Variants in MYO1B observed in about 807,000 individuals in gnomAD.
MYO1B encodes the protein unconventional myosin-Ib.
MYO1B carries 72 observed loss-of-function variants against 159.7 expected under a neutral mutation model. That is an observed-to-expected ratio of 0.45 (90% CI 0.37 to 0.55). The LOEUF is 0.55. Ranked by LOEUF, MYO1B falls within the 20% of genes least tolerant of loss-of-function variation. The pLI is 0.00. For synonymous variants in MYO1B, 468 were observed against 473.8 expected (o/e 0.99, Z 0.16); for missense variants, 1,062 against 1,364.8 (o/e 0.78, Z 3.50).
At chr2:191,357,769 T>G (rs1693397520) in intron 7 of MYO1B, among the ~76,000 whole-genome samples, 1 of 152,222 alleles carries the variant, frequency 6.6e-6, no homozygotes, top group Non-Finnish European at 1.5e-5. Flanking sequence ...TGTTCTCTAC[T>G]TTGAGTAATT....
In MYO1B at chr2:191,392,147, C is replaced by T. The variant is rs142551317; in HGVS notation, c.2022C>T (p.Pro674=). ...TCCTATTTAATGAATTAGAAATTCC[C>T]GTGGAAGAATACTCCTTTGGTAGAT... is the stretch of plus-strand genomic sequence containing the variant. ...VEVLFNELEI[P]VEEYSFGRSK... Residue 674 remains proline (P), a synonymous_variant, in exon 19 of 31, where the codon CCC becomes CCT. Transcript: ENST00000392318. 8 of 1,608,238 alleles carry T rather than the reference C, an allele frequency of 5.0e-6. No homozygotes were observed. The highest frequency in any genetic ancestry group is 2.7e-5 in the African/African-American group (2 of 74,698).
intron 1 of MYO1B, among the ~76,000 whole-genome samples, chr2:191,269,494 A>G (rs1287769134): frequency 1.3e-5 from 2 of 151,698 alleles, no homozygotes; most frequent in African/African-American, 4.8e-5. Context: ...GCCTTCTTTC[A>G]CTTCTTTTAG....
At chr2:191,398,841 G>A (rs1399658830) in intron 21 of MYO1B, among the ~76,000 whole-genome samples, 4 of 151,994 alleles carry the variant, frequency 2.6e-5, no homozygotes, top group Non-Finnish European at 5.9e-5. Context: ...AGGCAGAGAC[G>A]CTCCTCACTT....
At chr2:191,301,838 C>T (rs1689353072) in intron 3 of MYO1B, among the ~76,000 whole-genome samples, 1 of 152,202 alleles carries the variant, frequency 6.6e-6, no homozygotes. Flanking sequence ...GCCTTTTAAC[C>T]TTGCAGCAGT....
At chr2:191,315,193 A>ATCCACCCATCCATCTT (rs59883856) in intron 3 of MYO1B, among the ~76,000 whole-genome samples, 1 of 151,272 alleles carries the variant, frequency 6.6e-6, no homozygotes, top group African/African-American at 2.4e-5. Flanking sequence ...CCATCCATCC[A>ATCCACCCATCCATCTT]CCCATCCATC....
chr2:191,407,074 G>A (rs929273342), intron 24 of MYO1B, among the ~76,000 whole-genome samples: 7 of 152,100 alleles, frequency 4.6e-5, no homozygotes, highest in Non-Finnish European at 8.8e-5. Flanking sequence ...GGTCTCCCTG[G>A]CACTTATTTT....
At chr2:191,388,881 CT>C (rs1326640214) in intron 17 of MYO1B, among the ~76,000 whole-genome samples, 2 of 152,070 alleles carry the variant, frequency 1.3e-5, no homozygotes, top group African/African-American at 4.8e-5. Context: ...CATTCCCCTC[CT>C]TTTTTTATTT....
chr2:191,280,787 C>G (rs1299801422), intron 2 of MYO1B, among the ~76,000 whole-genome samples: 1 of 152,224 alleles, frequency 6.6e-6, no homozygotes, highest in Non-Finnish European at 1.5e-5. Flanking sequence ...GGAGCCCACT[C>G]ACTGTGAACT....
chr2:191,388,163 A>G (rs1002391481), intron 17 of MYO1B: 1 of 152,340 alleles, frequency 6.6e-6, no homozygotes, highest in Non-Finnish European at 1.5e-5. Context: ...AGGAACCTAT[A>G]ATCCCAACTA....
chr2:191,368,059 C>T (rs1694122450), intron 11 of MYO1B, among the ~76,000 whole-genome samples: 1 of 152,096 alleles, frequency 6.6e-6, no homozygotes. Context: ...ATTCTCTAAC[C>T]CTAATTGGAG....
intron 7 of MYO1B, among the ~76,000 whole-genome samples, chr2:191,354,376 GAAAT>G (rs1229892308): frequency 1.3e-5 from 2 of 151,750 alleles, no homozygotes; most frequent in African/African-American, 4.8e-5. Flanking sequence ...GTTTTGTTGA[GAAAT>G]AAAGCTTCTG....
At chr2:191,392,015 T>C in intron 18 of MYO1B, 93 bp from the exon 19 acceptor site, 1 of 765,318 alleles carries the variant, frequency 1.3e-6, no homozygotes, top group Non-Finnish European at 2.0e-6. Context: ...AATGAAGCTA[T>C]GTTTTATACC....
At chr2:191,260,000 G>C (rs917436846) in intron 1 of MYO1B, among the ~76,000 whole-genome samples, 3 of 152,072 alleles carry the variant, frequency 2.0e-5, no homozygotes, top group African/African-American at 2.4e-5. Flanking sequence ...ATAATGTTAG[G>C]ATTGCTTAGA....
chr2:191,290,601 A>G (rs1330068582), intron 2 of MYO1B, among the ~76,000 whole-genome samples: 1 of 152,246 alleles, frequency 6.6e-6, no homozygotes, highest in East Asian at 1.9e-4. Context: ...TATCTTGTAT[A>G]TGTGTGTGCA....
In MYO1B at chr2:191,361,232, A is replaced by C. The variant is rs1693652359; in HGVS notation, c.661+503A>C. ...GGGAGGGACTAATCATACATTTAAA[A>C]AATAAAATGGAAGAATATGATTTTT... is the stretch of plus-strand genomic sequence containing the variant. On this transcript the variant is annotated intron_variant, in intron 8 of 30. Transcript: ENST00000392318. Among the ~76,000 whole-genome samples, 3 of 152,228 alleles carry C rather than the reference A, an allele frequency of 2.0e-5. No homozygotes were observed. In the South Asian group the frequency reaches 6.2e-4, roughly 32 times the overall value.
At chr2:191,406,076 T>A (rs186002411) in intron 24 of MYO1B, among the ~76,000 whole-genome samples, 1 of 152,234 alleles carries the variant, frequency 6.6e-6, no homozygotes, top group Non-Finnish European at 1.5e-5. Flanking sequence ...TGGATAACTT[T>A]CTGCAGCTTC....
intron 3 of MYO1B, among the ~76,000 whole-genome samples, chr2:191,321,886 G>A (rs1018996831): frequency 2.0e-5 from 3 of 152,056 alleles, no homozygotes; most frequent in Non-Finnish European, 4.4e-5. Flanking sequence ...CATCCTCAGA[G>A]CCCTCACAGT....
At chr2:191,314,036 G>T (rs188978123) in intron 3 of MYO1B, among the ~76,000 whole-genome samples, 47 of 152,246 alleles carry the variant, frequency 3.1e-4, no homozygotes, top group African/African-American at 9.6e-4. Context: ...TTGGCTGTTT[G>T]GTAATTTAAC....
intron 13 of MYO1B, among the ~76,000 whole-genome samples, chr2:191,370,502 AGT>A (rs58911860): frequency 0.095 from 14,004 of 147,106 alleles, 1,672 homozygotes; most frequent in African/African-American, 0.28. Flanking sequence ...TGTGTGCCTG[AGT>A]GTGTGTGTGT....
Sources: gnomAD v4.1 joint callset for allele counts (sites outside exome capture counted in the v4.1 genomes callset) on GRCh38, gnomAD v4.1.1 for gene constraint, MANE v1.5 for transcripts, NCBI Gene and HGNC (gene_info 2026-07-23, HGNC 2026-07-21) for gene names.